Variants in LRGUK observed in about 807,000 individuals in gnomAD.
LRGUK encodes leucine-rich repeat and guanylate kinase domain-containing protein.
In LRGUK, 65 loss-of-function variants were observed where a neutral mutation model predicts 76.0. That is an observed-to-expected ratio of 0.85 (90% CI 0.70 to 1.05). LRGUK has a LOEUF of 1.05. Among genes scored for constraint, LRGUK ranks in the 50% least tolerant of loss-of-function variants. The pLI is 0.00. For synonymous variants in LRGUK, 268 were observed against 265.6 expected (o/e 1.01, Z -0.09); for missense variants, 758 against 732.8 (o/e 1.03, Z -0.40).
intron 5 of LRGUK, among the ~76,000 whole-genome samples, chr7:134,149,107 T>TAA (rs149661388): frequency 0.016 from 1,971 of 127,118 alleles, 16 homozygotes; most frequent in African/African-American, 0.026. Context: ...CTTTCTTTTT[T>TAA]TAAAAAAAAA....
At chr7:134,270,298 A>T in the LRGUK span, among the ~76,000 whole-genome samples, 1 of 152,184 alleles carries the variant, frequency 6.6e-6, no homozygotes, top group Non-Finnish European at 1.5e-5. Flanking sequence ...GCCTTTGGAA[A>T]CAAATTAAAC....
chr7:134,170,691 T>C (rs866817206), intron 7 of LRGUK, among the ~76,000 whole-genome samples: 2 of 152,150 alleles, frequency 1.3e-5, no homozygotes, highest in Non-Finnish European at 2.9e-5. Context: ...TAACTAAAAA[T>C]GTAAAAACTT....
At chr7:134,244,768 G>T (rs1031587439) in intron 16 of LRGUK, among the ~76,000 whole-genome samples, 1 of 152,106 alleles carries the variant, frequency 6.6e-6, no homozygotes, top group African/African-American at 2.4e-5. Flanking sequence ...GTTTATTGCG[G>T]CACTATTCAC....
chr7:134,217,730 C>A (rs1309532804), intron 15 of LRGUK, among the ~76,000 whole-genome samples: 1 of 152,150 alleles, frequency 6.6e-6, no homozygotes, highest in Non-Finnish European at 1.5e-5. Context: ...TTTTCCACTA[C>A]AAATTATCTA....
chr7:134,127,621 C>G, exon 1 of LRGUK: 4 of 1,614,102 alleles, frequency 2.5e-6, no homozygotes, highest in Non-Finnish European at 3.4e-6. Flanking sequence ...GAGGGCGAGG[C>G]GGGATCCGAG....
At chr7:134,220,413 A>G (rs1403806926) in intron 15 of LRGUK, among the ~76,000 whole-genome samples, 1 of 152,144 alleles carries the variant, frequency 6.6e-6, no homozygotes, top group Non-Finnish European at 1.5e-5. Context: ...GAGGAGTTCA[A>G]GTTCAGATTC....
intron 19 of LRGUK, 152 bp from the exon 20 acceptor site, chr7:134,263,693 G>A (rs1802799342): frequency 1.9e-6 from 1 of 529,924 alleles, no homozygotes; most frequent in South Asian, 5.0e-5. Flanking sequence ...GCAATTATAG[G>A]TGTAAGCCAC....
rs141375590 is a variant in LRGUK, at chr7:134,168,289, T to C, written c.939+4749T>C. Among the ~76,000 whole-genome samples the C allele has an allele frequency of 6.0e-3, 908 of 152,156 alleles. 4 individuals are homozygous for C. Among genetic ancestry groups the C allele is most frequent in the South Asian group, 0.029 (138 of 4,812 alleles). ...TTGAGGCAGGAGGATGGCCTGAGTC[T>C]AGGAGTTTGAGGCTGCAGTAAGCTA... is the stretch of plus-strand genomic sequence containing the variant. On this transcript the variant is annotated intron_variant, in intron 7 of 15. Transcript: ENST00000645682.
At chr7:134,193,649 C>T (rs1800354204) in intron 12 of LRGUK, among the ~76,000 whole-genome samples, 1 of 152,068 alleles carries the variant, frequency 6.6e-6, no homozygotes, top group African/African-American at 2.4e-5. Context: ...TGAATTGTGC[C>T]TCTGATCTCT....
At chr7:134,229,488 A>G (rs1202346102) in intron 16 of LRGUK, among the ~76,000 whole-genome samples, 1 of 152,212 alleles carries the variant, frequency 6.6e-6, no homozygotes, top group Non-Finnish European at 1.5e-5. Flanking sequence ...CTCTATTCAG[A>G]AAAATGTAAA....
At chr7:134,272,915 C>T in the LRGUK span, among the ~76,000 whole-genome samples, 3 of 152,128 alleles carry the variant, frequency 2.0e-5, no homozygotes, top group Non-Finnish European at 4.4e-5. Context: ...CACAGTTTCT[C>T]CTCTCTTGCA....
intron 16 of LRGUK, 86 bp from the exon 17 acceptor site, chr7:134,247,470 T>C: frequency 1.1e-6 from 1 of 940,354 alleles, no homozygotes; most frequent in Non-Finnish European, 1.7e-6. Context: ...TGTCAATCTC[T>C]AGTACCAAAG....
chr7:134,209,624 G>T lies in LRGUK; in HGVS notation c.2761G>T (p.Glu921Ter). 2.5e-6 allele frequency: 1 copy of T among 399,096 alleles called. No homozygotes were observed. The highest frequency in any genetic ancestry group is 4.4e-6 in the Non-Finnish European group (1 of 226,250). The allele number at this position is 399,096 out of a possible 1,614,324, so 24.7% of individuals were successfully genotyped here. ...ACCCAAACTCCTATCGCCCAGCAGG[G>T]AAGAGGCTTTAGGAACAACCTCCCA... is the stretch of plus-strand genomic sequence containing the variant. The change falls in exon 16 of 16, where the codon GAA (glutamate) becomes TAA (stop). Residue 921 changes from glutamate to a stop codon, truncating the protein, a stop_gained. Coordinates refer to ENST00000645682, the Ensembl canonical transcript of LRGUK. LOFTEE classifies it low-confidence loss of function (END_TRUNC).
chr7:134,210,962 GT>G (rs1369716997), downstream of LRGUK, among the ~76,000 whole-genome samples: 2 of 152,222 alleles, frequency 1.3e-5, no homozygotes, highest in Non-Finnish European at 2.9e-5. Flanking sequence ...GAGCACCAAG[GT>G]TTAAGCCATC....
chr7:134,206,935 C>A (rs565772607), intron 15 of LRGUK, among the ~76,000 whole-genome samples: 1 of 152,292 alleles, frequency 6.6e-6, no homozygotes, highest in East Asian at 1.9e-4. Flanking sequence ...CAGAGGAGAA[C>A]TGAGCAGTTG....
intron 16 of LRGUK, among the ~76,000 whole-genome samples, chr7:134,229,244 T>C (rs1256531647): frequency 2.0e-5 from 3 of 152,030 alleles, no homozygotes; most frequent in Non-Finnish European, 4.4e-5. Context: ...ACGTCTGCAG[T>C]CCCAGCTACA....
At chr7:134,148,563 A>T (rs762883935) in intron 5 of LRGUK, among the ~76,000 whole-genome samples, 6 of 152,208 alleles carry the variant, frequency 3.9e-5, no homozygotes, top group Non-Finnish European at 8.8e-5. Flanking sequence ...GCCAAGTAAG[A>T]TAGTCATTTT....
At chr7:134,191,367 C>A (rs1800237906) in intron 11 of LRGUK, among the ~76,000 whole-genome samples, 1 of 152,120 alleles carries the variant, frequency 6.6e-6, no homozygotes, top group African/African-American at 2.4e-5. Flanking sequence ...TATTGATTTA[C>A]TTCTTAAAGT....
chr7:134,175,322 A>G (rs1799436173), intron 8 of LRGUK, among the ~76,000 whole-genome samples: 1 of 152,056 alleles, frequency 6.6e-6, no homozygotes, highest in African/African-American at 2.4e-5. Flanking sequence ...TTGACTTTGC[A>G]TGTAGCTCTT....
Sources: allele counts gnomAD v4.1 joint callset (sites outside exome capture counted in the v4.1 genomes callset), GRCh38; gene constraint gnomAD v4.1.1; transcripts MANE v1.5; gene names NCBI Gene and HGNC (gene_info 2026-07-23, HGNC 2026-07-21).